AADAT: variants seen among roughly 807,000 people sequenced by gnomAD.
The protein encoded by AADAT is aminoadipate aminotransferase.
AADAT carries 25 observed loss-of-function variants against 56.2 expected under a neutral mutation model. That is an observed-to-expected ratio of 0.44 (90% CI 0.32 to 0.62). The LOEUF is 0.62. Ranked by LOEUF, AADAT falls within the 20% of genes least tolerant of loss-of-function variation. AADAT has a pLI of 0.04. For missense variants in AADAT, 387 were observed against 510.5 expected, an observed-to-expected ratio of 0.76 and a Z score of 2.33; for synonymous variants, 173 against 164.7, an observed-to-expected ratio of 1.05 and a Z score of -0.39.
At chr4:170,070,504 C>T (rs1731705011) in intron 6 of AADAT, 83 bp downstream of exon 6, 2 of 898,120 alleles carry the variant, frequency 2.2e-6, no homozygotes, top group Non-Finnish European at 1.7e-6. Flanking sequence ...TCTGACTCAG[C>T]AGTCAGCCTA....
In AADAT at chr4:170,061,946, A is replaced by G. The variant is rs1731210905; in HGVS notation, c.1182T>C (p.Pro394=). Residue 394 remains proline, a synonymous_variant, in exon 12 of 13, where the codon CCT becomes CCC. Transcript: ENST00000337664. ...AGAAGGATGCTCTCAAGTAAGGGCT[A>G]GGAGCTGAGCTATCGACGTAGAAAG... The part of the protein sequence containing the change: ...GNAFYVDSSA[P]SPYLRASFSS... 1.2e-6 allele frequency: 2 copies of G among 1,613,242 alleles called. No homozygotes were observed. The highest frequency in any genetic ancestry group is 2.7e-5 in the African/African-American group (2 of 74,906).
At chr4:170,071,303 G>A (rs1731751548) in intron 5 of AADAT, among the ~76,000 whole-genome samples, 2 of 152,172 alleles carry the variant, frequency 1.3e-5, no homozygotes, top group African/African-American at 4.8e-5. Context: ...TCACTGAGAA[G>A]GCCTTCCAGA....
intron 3 of AADAT, among the ~76,000 whole-genome samples, chr4:170,085,289 C>T (rs548830822): frequency 7.2e-5 from 11 of 152,210 alleles, no homozygotes; most frequent in African/African-American, 2.2e-4. Context: ...TAAACCCCTG[C>T]GTTGTTCAAG....
At chr4:170,083,799 G>C (rs1732427000) in intron 3 of AADAT, among the ~76,000 whole-genome samples, 1 of 152,112 alleles carries the variant, frequency 6.6e-6, no homozygotes, top group Non-Finnish European at 1.5e-5. Context: ...ATGTAAATTG[G>C]TACAGCCACT....
chr4:170,085,773 GTTTT>G (rs1317967054), intron 3 of AADAT, among the ~76,000 whole-genome samples: 1 of 151,900 alleles, frequency 6.6e-6, no homozygotes, highest in Non-Finnish European at 1.5e-5. Context: ...AAAAGGGTAA[GTTTT>G]TTTAATTTTT....
chr4:170,077,981 T>C (rs529280121), intron 4 of AADAT, among the ~76,000 whole-genome samples: 1 of 152,304 alleles, frequency 6.6e-6, no homozygotes, highest in Non-Finnish European at 1.5e-5. Context: ...TAAAGTAGAC[T>C]GCCCCAAACA....
Position 170,060,735 on chromosome 4 carries a change from T to G in AADAT, c.*193A>C. 2.5e-6 allele frequency: 1 copy of G among 404,680 alleles called. No individual in the cohort carries two copies. Among genetic ancestry groups the G allele is most frequent in the Non-Finnish European group, 4.3e-6 (1 of 231,222 alleles). 25.1% of individuals were successfully genotyped at this position (404,680 alleles called of 1,614,324 possible). ...CCATGAGCAGCATGATTAGTTTGATTTCTTTCTCTTTTTTTAGAGACAGGG... is the reference window on the plus strand; with the variant it reads ...CCATGAGCAGCATGATTAGTTTGATGTCTTTCTCTTTTTTTAGAGACAGGG... On this transcript the variant is annotated 3_prime_UTR_variant, in exon 13 of 13. Coordinates refer to ENST00000337664, the MANE Select transcript of AADAT (RefSeq NM_016228.4).
intron 10 of AADAT, among the ~76,000 whole-genome samples, chr4:170,066,180 CTT>C (rs958933929): frequency 6.9e-6 from 1 of 145,662 alleles, no homozygotes. Flanking sequence ...ATTTTTAGAT[CTT>C]TTTTTTTTTA....
chr4:170,082,356 T>C (rs1437992448), intron 3 of AADAT, among the ~76,000 whole-genome samples: 2 of 152,018 alleles, frequency 1.3e-5, no homozygotes, highest in South Asian at 4.1e-4. Context: ...TTGTTACCTC[T>C]TTAAAATAAC....
rs1320649412 is a variant in AADAT at position 170,089,641 on chromosome 4, G to C, written c.50C>G (p.Ser17Cys). ...TTTCTCACTCATGGTCCGGATGGGA[G>C]AAGGGTTTCTGGCTGCGCTCGCTGC... ...ITAASAARNP[S>C]PIRTMTDILS... Residue 17 changes from serine to cysteine, a missense_variant, in exon 1 of 13, where the codon TCT becomes TGT. By Grantham distance (112) the Ser-to-Cys change is moderately radical. Coordinates refer to ENST00000337664, the MANE Select transcript of AADAT (RefSeq NM_016228.4). 6.2e-7 allele frequency: 1 copy of C among 1,614,202 alleles called. No individual in the cohort carries two copies. The highest frequency in any genetic ancestry group is 8.5e-7 in the Non-Finnish European group (1 of 1,180,026).
chr4:170,086,613 C>T (rs1190672422), intron 3 of AADAT, among the ~76,000 whole-genome samples: 2 of 152,048 alleles, frequency 1.3e-5, no homozygotes, highest in African/African-American at 2.4e-5. Context: ...TAACTATAGG[C>T]GGAAATCAAA....
Position 170,072,299 on chromosome 4 carries a change from G to GTATA in AADAT, c.654+833_654+836dup, listed in dbSNP as rs36017064. Reference sequence around the variant, plus strand: ...TGTGTGTGTATATATATGTGTGTGTGTATATATATATATATATTTAGAGTT... The same window carrying GTATA: ...TGTGTGTGTATATATATGTGTGTGTGTATATATATATATATATATATTTAGAGTT... On this transcript the variant is annotated intron_variant, in intron 5 of 12. Coordinates refer to ENST00000337664, the MANE Select transcript of AADAT (RefSeq NM_016228.4). 9.8e-3 allele frequency among the ~76,000 whole-genome samples: 1,458 copies of GTATA among 148,664 alleles called. 20 individuals are homozygous for GTATA. The highest frequency in any genetic ancestry group is 0.032 in the African/African-American group (1,269 of 40,188).
chr4:170,092,284 C>T (rs756048470), upstream of AADAT, among the ~76,000 whole-genome samples: 3 of 152,222 alleles, frequency 2.0e-5, no homozygotes, highest in Non-Finnish European at 2.9e-5. Flanking sequence ...TAACACTCAC[C>T]GCGAAGGTGT....
Position 170,087,096 on chromosome 4 carries a change from A to C in AADAT, c.369+20T>G. 6.2e-7 allele frequency: 1 copy of C among 1,612,998 alleles called. No individual in the cohort carries two copies. Among genetic ancestry groups the C allele is most frequent in the South Asian group, 1.1e-5 (1 of 90,614 alleles). On this transcript the variant is annotated intron_variant, in intron 3 of 12. Coordinates refer to ENST00000337664, the MANE Select transcript of AADAT (RefSeq NM_016228.4). ...TGCTTCCAATTCTACATTTTGGCTG[A>C]GTTTTCCTTTCAGTCTTACCTTACA...
At chr4:170,081,784 C>T (rs1008899433) in intron 3 of AADAT, among the ~76,000 whole-genome samples, 1 of 152,206 alleles carries the variant, frequency 6.6e-6, no homozygotes, top group Non-Finnish European at 1.5e-5. Context: ...AAGCAATCTT[C>T]CCATCTCAGC....
At chr4:170,092,573 C>G (rs1215107319), upstream of AADAT, among the ~76,000 whole-genome samples, 1 of 152,240 alleles carries the variant, frequency 6.6e-6, no homozygotes. Context: ...CCCACCAATT[C>G]CAGGCACAGT....
intron 4 of AADAT, 104 bp from the exon 5 acceptor site, chr4:170,073,449 T>A: frequency 2.1e-6 from 2 of 959,886 alleles, no homozygotes; most frequent in Non-Finnish European, 3.0e-6. Flanking sequence ...TTCATACCCT[T>A]AAAAATATAT....
intron 8 of AADAT, among the ~76,000 whole-genome samples, chr4:170,067,748 C>T (rs1013323043): frequency 3.2e-4 from 49 of 152,230 alleles, no homozygotes; most frequent in South Asian, 1.2e-3. Context: ...TCCTGACCCG[C>T]GCTGTTAATT....
intron 3 of AADAT, among the ~76,000 whole-genome samples, chr4:170,085,476 G>A (rs1732512542): frequency 6.6e-6 from 1 of 152,160 alleles, no homozygotes; most frequent in African/African-American, 2.4e-5. Context: ...TATTAAACCA[G>A]ATACATATTA....
Sources: allele counts gnomAD v4.1 joint callset (sites outside exome capture counted in the v4.1 genomes callset), GRCh38; gene constraint gnomAD v4.1.1; transcripts MANE v1.5; gene names NCBI Gene and HGNC (gene_info 2026-07-23, HGNC 2026-07-21).